HEXB: variants seen among roughly 807,000 people sequenced by gnomAD.
HEXB encodes the protein beta-hexosaminidase subunit beta.
A neutral mutation model predicts 71.2 loss-of-function variants in HEXB; 51 were observed. That is an observed-to-expected ratio of 0.72 (90% confidence interval 0.57 to 0.90). The LOEUF is 0.90. Among genes scored for constraint, HEXB ranks in the 40% least tolerant of loss-of-function variants. The pLI is 0.00. For missense variants in HEXB, 617 were observed against 677.0 expected (o/e 0.91, Z 0.98); for synonymous variants, 266 against 249.3 (o/e 1.07, Z -0.63).
At chr5:74,668,882 T>C (rs890632792) in intron 1 of HEXB, among the ~76,000 whole-genome samples, 1 of 152,256 alleles carries the variant, frequency 6.6e-6, no homozygotes, top group Non-Finnish European at 1.5e-5. Context: ...CATTAAACAA[T>C]TGCATTTCCT....
At position 74,715,612 on chromosome 5, in the gene HEXB, C is replaced by A; in HGVS notation, c.1004C>A (p.Thr335Lys). Residue 335 changes from threonine to lysine, a missense_variant, in exon 8 of 14, where the codon ACA becomes AAA. By Grantham distance (78) the Thr-to-Lys change is moderately conservative. Coordinates refer to ENST00000261416, the MANE Select transcript of HEXB (RefSeq NM_000521.4). ...AATACAACATACAGCTTCCTTACTACATTTTTCAAAGAAATTAGTGAGGTG... is the reference window on the plus strand; with the variant it reads ...AATACAACATACAGCTTCCTTACTAAATTTTTCAAAGAAATTAGTGAGGTG... ...TLNTTYSFLT[T>K]FFKEISEVFP... 6.2e-7 allele frequency: 1 copy of A among 1,608,788 alleles called. No individual in the cohort carries two copies. The highest frequency in any genetic ancestry group is 1.1e-5 in the South Asian group (1 of 90,906).
At chr5:74,688,676 A>G (rs1162859507) in intron 1 of HEXB, among the ~76,000 whole-genome samples, 1 of 152,172 alleles carries the variant, frequency 6.6e-6, no homozygotes, top group Non-Finnish European at 1.5e-5. Context: ...TCTGGTGAGA[A>G]TTCTGGACCT....
intron 6 of HEXB, among the ~76,000 whole-genome samples, chr5:74,709,945 G>A (rs546514268): frequency 5.9e-5 from 9 of 152,066 alleles, no homozygotes; most frequent in African/African-American, 2.2e-4. Context: ...TATGAGGCCA[G>A]CATCATCCTG....
At chr5:74,673,540 T>A (rs1434388865) in intron 1 of HEXB, among the ~76,000 whole-genome samples, 3 of 152,142 alleles carry the variant, frequency 2.0e-5, no homozygotes. Context: ...TAGGCATCCA[T>A]CCATCTCCCC....
At chr5:74,662,682 G>C (rs1231596734) in intron 1 of HEXB, among the ~76,000 whole-genome samples, 1 of 152,142 alleles carries the variant, frequency 6.6e-6, no homozygotes, top group African/African-American at 2.4e-5. Context: ...CATGGAGTAA[G>C]CATTTTAAGA....
intron 1 of HEXB, among the ~76,000 whole-genome samples, chr5:74,678,779 G>T (rs1246334792): frequency 6.6e-6 from 1 of 152,058 alleles, no homozygotes; most frequent in African/African-American, 2.4e-5. Flanking sequence ...AAAATTAACA[G>T]AAAGGGAGAA....
chr5:74,648,219 T>G (rs1173698362), intron 1 of HEXB, among the ~76,000 whole-genome samples: 1 of 152,228 alleles, frequency 6.6e-6, no homozygotes, highest in Non-Finnish European at 1.5e-5. Context: ...TGAATGGTCT[T>G]TTATTTAATG....
At chr5:74,664,196 C>T (rs1748387713) in intron 1 of HEXB, among the ~76,000 whole-genome samples, 1 of 150,654 alleles carries the variant, frequency 6.6e-6, no homozygotes. Context: ...GTGGAGGTTG[C>T]AGTGAGCCAA....
At chr5:74,720,561 A>G (rs1404466017) in intron 12 of HEXB, 43 bp downstream of exon 12, 2 of 1,590,250 alleles carry the variant, frequency 1.3e-6, no homozygotes, top group African/African-American at 1.3e-5. Flanking sequence ...AAGGTGCCTT[A>G]GCTTTCCTTC....
rs146713522 is a variant in HEXB at position 74,677,120 on chromosome 5, C to T, written c.-376-12208C>T. On this transcript the variant is annotated intron_variant, in intron 1 of 13. Transcript: ENST00000511181. ...CAGGATGGTCTCGATATCCTGACCT[C>T]GTGATCTACCCGCCTCAGCCTCCCA... is the stretch of plus-strand genomic sequence containing the variant. Among the ~76,000 whole-genome samples, 337 of 152,076 alleles carry T rather than the reference C, an allele frequency of 2.2e-3. 1 individual carries two copies. The highest frequency in any genetic ancestry group is 7.8e-3 in the African/African-American group (325 of 41,502).
At chr5:74,680,548 A>G (rs1441096008), upstream of HEXB, among the ~76,000 whole-genome samples, 1 of 152,150 alleles carries the variant, frequency 6.6e-6, no homozygotes, top group African/African-American at 2.4e-5. Context: ...AAGGGATGAG[A>G]TTTTTGGGGT....
At chr5:74,712,264 C>G (rs1321758983) in intron 6 of HEXB, among the ~76,000 whole-genome samples, 1 of 139,378 alleles carries the variant, frequency 7.2e-6, no homozygotes, top group East Asian at 2.2e-4. Flanking sequence ...GGGAACATCA[C>G]ACACTGGGGA....
intron 1 of HEXB, among the ~76,000 whole-genome samples, chr5:74,648,469 G>A (rs1346594631): frequency 2.0e-5 from 3 of 152,154 alleles, no homozygotes; most frequent in Non-Finnish European, 4.4e-5. Flanking sequence ...CCCTTCTCCA[G>A]CACAATCTGC....
upstream of HEXB, among the ~76,000 whole-genome samples, chr5:74,684,951 A>G (rs1018991625): frequency 3.9e-5 from 6 of 152,150 alleles, no homozygotes; most frequent in African/African-American, 1.2e-4. Context: ...TGCTGGGGCT[A>G]CAGGCGTGAG....
chr5:74,707,586 G>A (rs1749430206), intron 6 of HEXB, among the ~76,000 whole-genome samples: 1 of 152,182 alleles, frequency 6.6e-6, no homozygotes, highest in Admixed American at 6.5e-5. Context: ...ATACAGAGAA[G>A]GGCTTAAAGG....
intron 5 of HEXB, among the ~76,000 whole-genome samples, chr5:74,698,396 A>AT (rs796360672): frequency 0.037 from 4,986 of 135,844 alleles, 134 homozygotes; most frequent in Non-Finnish European, 0.053. Context: ...TATTATTATT[A>AT]TTTTTTTTTC....
intron 6 of HEXB, among the ~76,000 whole-genome samples, chr5:74,713,293 G>A (rs1014744160): frequency 1.1e-4 from 16 of 152,230 alleles, no homozygotes; most frequent in South Asian, 2.1e-4. Flanking sequence ...GAGTATGTAC[G>A]ACTTAGTAGA....
intron 2 of HEXB, among the ~76,000 whole-genome samples, chr5:74,693,250 C>T (rs1175002104): frequency 1.3e-5 from 2 of 152,208 alleles, no homozygotes; most frequent in African/African-American, 2.4e-5. Context: ...AAACTCTTAG[C>T]TTAACTAGGA....
upstream of HEXB, among the ~76,000 whole-genome samples, chr5:74,680,955 G>T (rs1268620413): frequency 1.3e-5 from 2 of 152,162 alleles, no homozygotes; most frequent in Admixed American, 1.3e-4. Flanking sequence ...ATCCATAGTG[G>T]TCCACTTTTT....
Sources: allele counts gnomAD v4.1 joint callset (sites outside exome capture counted in the v4.1 genomes callset), GRCh38; gene constraint gnomAD v4.1.1; transcripts MANE v1.5; gene names NCBI Gene and HGNC (gene_info 2026-07-23, HGNC 2026-07-21).